The following DLG2 variants were observed in gnomAD, a reference collection of about 807,000 sequenced individuals.
DLG2 encodes discs large MAGUK scaffold protein 2.
In DLG2, 45 loss-of-function variants were observed where a neutral mutation model predicts 132.5. The observed-to-expected ratio is 0.34, with a 90% CI of 0.27 to 0.44. The LOEUF (loss-of-function observed/expected upper bound fraction) is 0.44. Among genes scored for constraint, DLG2 ranks in the 20% least tolerant of loss-of-function variants. The pLI is 1.00. For missense variants in DLG2, 1,045 were observed against 1,196.9 expected (o/e 0.87, Z 1.87); for synonymous variants, 424 against 419.6 (o/e 1.01, Z -0.13).
chr11:85,596,017 T>A (rs2079730705), intron 3 of DLG2, among the ~76,000 whole-genome samples: 1 of 151,778 alleles, frequency 6.6e-6, no homozygotes, highest in Admixed American at 6.6e-5. Context: ...CTTTGGGAGG[T>A]TGAGGTGGGA....
chr11:84,201,803 A>G (rs1354884435), intron 8 of DLG2, among the ~76,000 whole-genome samples: 1 of 78,146 alleles, frequency 1.3e-5, no homozygotes, highest in Non-Finnish European at 2.6e-5. Context: ...AGAAGAAACT[A>G]TTTTCTTTTT....
intron 7 of DLG2, among the ~76,000 whole-genome samples, chr11:84,379,173 T>G (rs570325292): frequency 6.6e-6 from 1 of 152,124 alleles, no homozygotes; most frequent in South Asian, 2.1e-4. Context: ...TTCAAGAAAG[T>G]GAATCATCAT....
intron 6 of DLG2, among the ~76,000 whole-genome samples, chr11:84,768,128 GCTTAACAACT>G (rs1183545299): frequency 6.6e-6 from 1 of 152,096 alleles, no homozygotes; most frequent in Non-Finnish European, 1.5e-5. Context: ...ATGTTTCTAA[GCTTAACAACT>G]TTCAACGTAT....
chr11:84,490,845 T>G (rs908639547), intron 7 of DLG2, among the ~76,000 whole-genome samples: 3 of 151,710 alleles, frequency 2.0e-5, no homozygotes, highest in African/African-American at 4.9e-5. Flanking sequence ...GTAGGAATAA[T>G]GACAACTAAA....
At chr11:84,535,954 C>CATATATATATAT (rs778920932) in intron 6 of DLG2, among the ~76,000 whole-genome samples, 13 of 144,462 alleles carry the variant, frequency 9.0e-5, no homozygotes, top group African/African-American at 2.9e-4. Flanking sequence ...TTTTCATATA[C>CATATATATATAT]ATATATATAT....
intron 6 of DLG2, among the ~76,000 whole-genome samples, chr11:85,082,667 T>TA (rs2067385543): frequency 1.3e-5 from 2 of 149,474 alleles, no homozygotes; most frequent in African/African-American, 2.4e-5. Flanking sequence ...AAAAGTAAAT[T>TA]AAAAAAACAA....
intron 3 of DLG2, among the ~76,000 whole-genome samples, chr11:85,491,493 T>C (rs1052348733): frequency 1.3e-5 from 2 of 152,016 alleles, no homozygotes; most frequent in Non-Finnish European, 2.9e-5. Flanking sequence ...TTGGCAGATT[T>C]TCATGATCTT....
chr11:83,810,349 A>ATGTG (rs972044175), intron 17 of DLG2, among the ~76,000 whole-genome samples: 1 of 151,954 alleles, frequency 6.6e-6, no homozygotes, highest in African/African-American at 2.4e-5. Flanking sequence ...GCAATTGTTT[A>ATGTG]TGTGTGTGTG....
intron 6 of DLG2, among the ~76,000 whole-genome samples, chr11:84,888,346 T>A (rs889691738): frequency 6.6e-6 from 1 of 152,142 alleles, no homozygotes; most frequent in Non-Finnish European, 1.5e-5. Context: ...ATTTTTGCTC[T>A]CCCTTCTTGA....
intron 6 of DLG2, among the ~76,000 whole-genome samples, chr11:85,095,003 T>C (rs767699527): frequency 6.6e-6 from 1 of 152,148 alleles, no homozygotes; most frequent in Non-Finnish European, 1.5e-5. Flanking sequence ...TCAATATTGT[T>C]GTGTCTCAAA....
chr11:84,161,963 A>G (rs2095556491), intron 9 of DLG2, among the ~76,000 whole-genome samples: 1 of 152,208 alleles, frequency 6.6e-6, no homozygotes, highest in South Asian at 2.1e-4. Context: ...TCTGTCAAAC[A>G]CTTAAGTTTC....
Position 84,615,961 on chromosome 11 carries a change from C to T in DLG2, c.358-81230G>A, listed in dbSNP as rs148760157. Among the ~76,000 whole-genome samples the T allele has an allele frequency of 5.0e-4, 75 of 151,494 alleles. No individual in the cohort carries two copies. The East Asian group carries it at 0.011, about 22-fold the overall frequency. The stretch of plus-strand genomic sequence containing the variant: ...TGGTAAAGAAAAATATATATAGTGA[C>T]GAGGTTCATGTTCTTATGGAATTTA... On this transcript the variant is annotated intron_variant, in intron 6 of 27. Coordinates refer to ENST00000376104, the MANE Select transcript of DLG2 (RefSeq NM_001142699.3).
At chr11:84,076,306 C>T (rs1196161216) in intron 10 of DLG2, among the ~76,000 whole-genome samples, 1 of 152,198 alleles carries the variant, frequency 6.6e-6, no homozygotes, top group African/African-American at 2.4e-5. Flanking sequence ...GAAAGCCAAA[C>T]ATGAAATCAC....
intron 6 of DLG2, chr11:84,640,387 G>T (rs1594611125): frequency 2.6e-6 from 1 of 382,568 alleles, no homozygotes; most frequent in Non-Finnish European, 4.5e-6. Flanking sequence ...AATGTTGCTT[G>T]TTTGGTATCT....
rs1400906684 is a variant in DLG2, at chr11:84,928,982, G to GTGTATATATATATA, written c.357+182678_357+182679insTATATATATATACA. Among the ~76,000 whole-genome samples the GTGTATATATATATA allele has an allele frequency of 1.6e-3, 79 of 49,088 alleles. 1 individual carries two copies. Among genetic ancestry groups the GTGTATATATATATA allele is most frequent in the Non-Finnish European group, 2.3e-3 (64 of 28,140 alleles). 32.2% of individuals were successfully genotyped at this position (49,088 alleles called of 152,430 possible). Reference sequence around the variant, plus strand: ...TATGTGTGTGTGTGTGTGTGTGTGTGTATATATATATATATATATATATAT... The same window carrying GTGTATATATATATA: ...TATGTGTGTGTGTGTGTGTGTGTGTGTGTATATATATATATATATATATATATATATATATATAT... On this transcript the variant is annotated intron_variant, in intron 6 of 27. Transcript: ENST00000376104.
intron 18 of DLG2, among the ~76,000 whole-genome samples, chr11:83,666,355 T>C (rs920499148): frequency 6.6e-6 from 1 of 151,922 alleles, no homozygotes; most frequent in Non-Finnish European, 1.5e-5. Flanking sequence ...AGGAGGTGAG[T>C]GGTGGGTGAG....
intron 6 of DLG2, among the ~76,000 whole-genome samples, chr11:85,083,778 C>G (rs2067547657): frequency 6.6e-6 from 1 of 152,096 alleles, no homozygotes; most frequent in African/African-American, 2.4e-5. Flanking sequence ...ATGAAGCCTT[C>G]AGGTAACAGG....
At chr11:85,334,551 G>T (rs1223707909) in intron 3 of DLG2, among the ~76,000 whole-genome samples, 1 of 152,046 alleles carries the variant, frequency 6.6e-6, no homozygotes, top group Admixed American at 6.5e-5. Context: ...TTTGTAACTT[G>T]TTAACATGGG....
intron 16 of DLG2, among the ~76,000 whole-genome samples, chr11:83,868,529 T>C (rs907849634): frequency 6.6e-6 from 1 of 152,146 alleles, no homozygotes; most frequent in South Asian, 2.1e-4. Context: ...TGTGTGTGTA[T>C]ATATACATAT....
Sources: allele counts gnomAD v4.1 joint callset (sites outside exome capture counted in the v4.1 genomes callset), GRCh38; gene constraint gnomAD v4.1.1; transcripts MANE v1.5; gene names NCBI Gene and HGNC (gene_info 2026-07-23, HGNC 2026-07-21).